SWT1: variants seen among roughly 807,000 people sequenced by gnomAD.
The protein encoded by SWT1 is SWT1 RNA endoribonuclease homolog, also known as transcriptional protein SWT1.
In SWT1, 33 loss-of-function variants were observed where a neutral mutation model predicts 107.3. The observed-to-expected ratio is 0.31, with a 90% CI of 0.23 to 0.41. The LOEUF (loss-of-function observed/expected upper bound fraction) is 0.41. Among genes scored for constraint, SWT1 ranks in the 10% least tolerant of loss-of-function variants. The pLI is 1.00. For missense variants in SWT1, 898 were observed against 1,028.9 expected (o/e 0.87, Z 1.74); for synonymous variants, 345 against 348.3 (o/e 0.99, Z 0.11).
intron 15 of SWT1, among the ~76,000 whole-genome samples, chr1:185,228,200 T>TGTACAC (rs1660239207): frequency 1.4e-5 from 2 of 144,958 alleles, no homozygotes; most frequent in Admixed American, 6.8e-5. Flanking sequence ...CATATATATA[T>TGTACAC]ACTCAGTATG....
intron 4 of SWT1, among the ~76,000 whole-genome samples, chr1:185,169,641 C>T (rs1366474323): frequency 6.6e-6 from 1 of 151,968 alleles, no homozygotes; most frequent in Non-Finnish European, 1.5e-5. Context: ...ACCTGTATTC[C>T]CAGCACTTTG....
intron 17 of SWT1, among the ~76,000 whole-genome samples, chr1:185,271,925 G>A (rs1663895058): frequency 1.3e-5 from 2 of 152,134 alleles, no homozygotes; most frequent in Admixed American, 1.3e-4. Context: ...GCTTTCCTCA[G>A]TGCGAAATTG....
chr1:185,243,544 A>G (rs1661392404), intron 16 of SWT1, among the ~76,000 whole-genome samples: 1 of 152,208 alleles, frequency 6.6e-6, no homozygotes, highest in African/African-American at 2.4e-5. Flanking sequence ...ATAGTAAGAA[A>G]AGTTTGATTT....
chr1:185,218,832 T>A (rs1659421702), intron 14 of SWT1, among the ~76,000 whole-genome samples: 1 of 152,182 alleles, frequency 6.6e-6, no homozygotes, highest in Non-Finnish European at 1.5e-5. Flanking sequence ...ACCTTAATTC[T>A]CTCTTTTGTA....
intron 16 of SWT1, chr1:185,266,438 A>G (rs1422186723): frequency 6.6e-6 from 1 of 152,196 alleles, no homozygotes; most frequent in Non-Finnish European, 1.5e-5. Context: ...ATTTTTCCTA[A>G]ATAGGAGATA....
chr1:185,254,304 A>C (rs1039614421), intron 16 of SWT1, among the ~76,000 whole-genome samples: 1 of 132,462 alleles, frequency 7.5e-6, no homozygotes, highest in African/African-American at 3.1e-5. Context: ...AAAAAGAGTT[A>C]GGGAGGATTC....
At chr1:185,240,171 A>G (rs1661168276) in intron 16 of SWT1, among the ~76,000 whole-genome samples, 1 of 152,022 alleles carries the variant, frequency 6.6e-6, no homozygotes, top group South Asian at 2.1e-4. Context: ...AGAAACTTTA[A>G]CTTGCTTAGG....
At chr1:185,244,184 C>T (rs773413353) in intron 16 of SWT1, among the ~76,000 whole-genome samples, 3 of 152,054 alleles carry the variant, frequency 2.0e-5, no homozygotes, top group South Asian at 2.1e-4. Context: ...GCTGTCCTCT[C>T]GCCTCAGCCT....
At chr1:185,177,121 A>G (rs1338172476) in intron 5 of SWT1, 44 of 833,780 alleles carry the variant, frequency 5.3e-5, no homozygotes, top group Non-Finnish European at 6.2e-5. Flanking sequence ...GGGCCCAAAG[A>G]GGGCAAGAAT....
chr1:185,226,846 C>T, intron 15 of SWT1: 1 of 1,528,734 alleles, frequency 6.5e-7, no homozygotes, highest in Non-Finnish European at 8.8e-7. Context: ...AGGAAGCTTG[C>T]CTTCTTTTGA....
intron 14 of SWT1, among the ~76,000 whole-genome samples, chr1:185,220,291 C>G (rs1228441711): frequency 6.7e-6 from 1 of 149,414 alleles, no homozygotes. Flanking sequence ...ACTCACTTAC[C>G]TGTTAATCCT....
chr1:185,229,244 T>G (rs1480075352), intron 15 of SWT1, among the ~76,000 whole-genome samples: 1 of 151,934 alleles, frequency 6.6e-6, no homozygotes, highest in African/African-American at 2.4e-5. Flanking sequence ...GTGGGAGAGA[T>G]GATAAGAATT....
chr1:185,167,597 C>G (rs529861659), intron 3 of SWT1, among the ~76,000 whole-genome samples: 1 of 152,348 alleles, frequency 6.6e-6, no homozygotes, highest in African/African-American at 2.4e-5. Flanking sequence ...TTCTCCTCTG[C>G]TGAAAATCTT....
chr1:185,204,965 T>C (rs1658212781), intron 12 of SWT1, 102 bp downstream of exon 12: 1 of 624,332 alleles, frequency 1.6e-6, no homozygotes, highest in Non-Finnish European at 2.6e-6. Context: ...CTTCATTGAA[T>C]AATCTGTATC....
chr1:185,219,802 T>G (rs1383098338), intron 14 of SWT1, among the ~76,000 whole-genome samples: 1 of 152,066 alleles, frequency 6.6e-6, no homozygotes, highest in Non-Finnish European at 1.5e-5. Context: ...GCCATTCTGT[T>G]TACTGCACTG....
At chr1:185,224,166 C>T (rs1419081705) in intron 15 of SWT1, among the ~76,000 whole-genome samples, 39 of 152,074 alleles carry the variant, frequency 2.6e-4, no homozygotes, top group Non-Finnish European at 1.5e-5. Context: ...TGTCTTTTCA[C>T]TCTGTTGTTT....
At chr1:185,178,262 T>C (rs1203146557) in intron 5 of SWT1, among the ~76,000 whole-genome samples, 1 of 151,994 alleles carries the variant, frequency 6.6e-6, no homozygotes, top group Non-Finnish European at 1.5e-5. Context: ...CATGAGCACA[T>C]AGGTTGTCAG....
chr1:185,221,431 A>G (rs888405245), intron 14 of SWT1, among the ~76,000 whole-genome samples: 2 of 152,086 alleles, frequency 1.3e-5, no homozygotes, highest in Non-Finnish European at 2.9e-5. Flanking sequence ...TGAGGTTTAA[A>G]TTATATCTTG....
intron 13 of SWT1, among the ~76,000 whole-genome samples, chr1:185,212,067 G>A (rs1024353151): frequency 5.3e-5 from 8 of 151,400 alleles, no homozygotes; most frequent in Admixed American, 1.3e-4. Flanking sequence ...GGGGTGGGGG[G>A]AGTGGGGAGG....
Sources: gnomAD v4.1 joint callset for allele counts (sites outside exome capture counted in the v4.1 genomes callset) on GRCh38, gnomAD v4.1.1 for gene constraint, MANE v1.5 for transcripts, NCBI Gene and HGNC (gene_info 2026-07-23, HGNC 2026-07-21) for gene names.